Variants in PTPRF observed in about 807,000 individuals in gnomAD.
The protein encoded by PTPRF is protein tyrosine phosphatase receptor type F, also known as receptor-type tyrosine-protein phosphatase F.
A neutral mutation model predicts 201.8 loss-of-function variants in PTPRF; 59 were observed. The ratio of observed to expected loss-of-function variants is 0.29; its 90% confidence interval spans 0.24 to 0.36. The LOEUF (loss-of-function observed/expected upper bound fraction) is 0.36, where lower values mean the gene tolerates loss of function less well. Ranked by LOEUF, PTPRF falls within the 10% of genes least tolerant of loss-of-function variation. The pLI is 1.00. For synonymous variants in PTPRF, 1,088 were observed against 1,089.7 expected (o/e 1.00, Z 0.03); for missense variants, 2,132 against 2,690.5 (o/e 0.79, Z 4.59).
chr1:43,550,444 C>T (rs539231222), intron 3 of PTPRF, among the ~76,000 whole-genome samples: 163 of 152,204 alleles, frequency 1.1e-3, no homozygotes, highest in African/African-American at 3.8e-3. Context: ...CCGGCAGGAG[C>T]TGGAGGGGCA....
chr1:43,598,103 A>G, intron 12 of PTPRF, 50 bp downstream of exon 12: 1 of 1,429,020 alleles, frequency 7.0e-7, no homozygotes, highest in Non-Finnish European at 9.2e-7. Flanking sequence ...CTCAGACACC[A>G]CCCACCAAGC....
intron 11 of PTPRF, among the ~76,000 whole-genome samples, chr1:43,592,927 G>A (rs1236958785): frequency 1.3e-5 from 2 of 152,270 alleles, no homozygotes; most frequent in East Asian, 3.9e-4. Flanking sequence ...CACTAGCTTA[G>A]CTGATGGGCC....
At chr1:43,610,242 G>C (rs541726068) in intron 22 of PTPRF, among the ~76,000 whole-genome samples, 1 of 152,188 alleles carries the variant, frequency 6.6e-6, no homozygotes, top group Non-Finnish European at 1.5e-5. Flanking sequence ...TTCAGCGCAC[G>C]ATGGGTTCTT....
chr1:43,536,474 C>G (rs1644014435), intron 1 of PTPRF, among the ~76,000 whole-genome samples: 1 of 152,200 alleles, frequency 6.6e-6, no homozygotes, highest in South Asian at 2.1e-4. Flanking sequence ...CTGTCTCAGT[C>G]TCCAAGCACG....
chr1:43,613,444 T>C, intron 22 of PTPRF, 174 bp from the exon 23 acceptor site: 1 of 635,788 alleles, frequency 1.6e-6, no homozygotes, highest in Admixed American at 2.2e-5. Flanking sequence ...CCCTCTGTCC[T>C]CTCCCACCCT....
At chr1:43,609,739 C>T (rs1244966710) in intron 22 of PTPRF, among the ~76,000 whole-genome samples, 1 of 152,266 alleles carries the variant, frequency 6.6e-6, no homozygotes, top group African/African-American at 2.4e-5. Context: ...GGCAAAGCCA[C>T]TTAGCCACTG....
At chr1:43,570,048 C>T (rs1197653390) in intron 6 of PTPRF, among the ~76,000 whole-genome samples, 2 of 152,208 alleles carry the variant, frequency 1.3e-5, no homozygotes, top group Non-Finnish European at 2.9e-5. Flanking sequence ...GTGTGGTGGA[C>T]TCTTCAAGGG....
At chr1:43,620,783 G>T in intron 31 of PTPRF, 55 bp from the exon 32 acceptor site, 2 of 1,578,486 alleles carry the variant, frequency 1.3e-6, no homozygotes, top group African/African-American at 1.3e-5. Context: ...CTAGTCCAGA[G>T]GGGTGGCTGC....
intron 13 of PTPRF, 118 bp downstream of exon 13, chr1:43,599,031 G>A: frequency 2.7e-6 from 3 of 1,128,584 alleles, no homozygotes; most frequent in Non-Finnish European, 3.7e-6. Flanking sequence ...TGCTGTGACT[G>A]CCTTTCCTTG....
At chr1:43,531,307 G>A (rs1365374293) in intron 1 of PTPRF, among the ~76,000 whole-genome samples, 3 of 51,696 alleles carry the variant, frequency 5.8e-5, no homozygotes, top group Non-Finnish European at 1.1e-4. Flanking sequence ...CGCTCACCCC[G>A]CGGCAGACGC....
In PTPRF at chr1:43,613,662, A is replaced by G. The variant is rs773927069; in HGVS notation, c.4018A>G (p.Asn1340Asp). The change falls in exon 23 of 34, where the codon AAC (asparagine) becomes GAC (aspartate). Residue 1340 changes from asparagine to aspartate, a missense_variant. This residue lies in a region of PTPRF where 818 missense variants were observed against 915.3 expected (regional missense o/e 0.89). Coordinates refer to ENST00000359947, the MANE Select transcript of PTPRF (RefSeq NM_002840.5). ...PPIPITDLAD[N>D]IERLKANDGL... ...CATCCCCATCACCGACCTGGCGGACAACATCGAGCGCCTCAAAGCCAACGA... is the reference window on the plus strand; with the variant it reads ...CATCCCCATCACCGACCTGGCGGACGACATCGAGCGCCTCAAAGCCAACGA... The G allele has an allele frequency of 5.6e-6, 9 of 1,614,182 alleles. No homozygotes were observed. The highest frequency in any genetic ancestry group is 7.6e-6 in the Non-Finnish European group (9 of 1,180,012).
In PTPRF at chr1:43,605,625, A is replaced by G. The variant is rs570681015; in HGVS notation, c.3483+3A>G. On this transcript the variant is annotated splice_donor_region_variant and intron_variant, in intron 19 of 33. Transcript: ENST00000359947. ...CCGAGGAACTGGAGCTGGACGAGGT[A>G]CCTGGGGAGGGGATGGGGACACTGA... is the stretch of plus-strand genomic sequence containing the variant. 431 of 1,613,890 alleles carry G rather than the reference A, an allele frequency of 2.7e-4. 3 individuals are homozygous for G. Among genetic ancestry groups the G allele is most frequent in the South Asian group, 1.9e-3 (177 of 91,072 alleles).
chr1:43,574,230 G>A (rs922348627), intron 6 of PTPRF, among the ~76,000 whole-genome samples: 7 of 151,702 alleles, frequency 4.6e-5, no homozygotes, highest in East Asian at 1.9e-4. Flanking sequence ...TCCGAACCTC[G>A]GGTGATCCGC....
Position 43,609,432 on chromosome 1 carries a change from A to C in PTPRF, c.3907A>C (p.Lys1303Gln). ...SSKDEQSIGL[K>Q]DSLLAHSSDP... ...TAAGGATGAGCAGTCGATCGGACTG[A>C]AGGACTCCTTGCTGGCCCACTCCTC... The change falls in exon 22 of 34, where the codon AAG becomes CAG. Residue 1303 changes from lysine (K) to glutamine (Q), a missense_variant. Lys to Gln is a moderately conservative substitution (Grantham distance 53, BLOSUM62 1). This residue lies in a region of PTPRF where 818 missense variants were observed against 915.3 expected (regional missense o/e 0.89). Transcript: ENST00000359947. The C allele has an allele frequency of 3.1e-6, 5 of 1,614,060 alleles. No individual in the cohort carries two copies. Among genetic ancestry groups the C allele is most frequent in the Non-Finnish European group, 4.2e-6 (5 of 1,179,982 alleles).
intron 23 of PTPRF, among the ~76,000 whole-genome samples, chr1:43,615,867 C>T (rs1442151387): frequency 6.6e-6 from 1 of 152,138 alleles, no homozygotes; most frequent in Non-Finnish European, 1.5e-5. Context: ...ACCAGGCCTG[C>T]TCTGTTGTCT....
chr1:43,541,690 A>T (rs1375743607), intron 2 of PTPRF, among the ~76,000 whole-genome samples: 1 of 86,050 alleles, frequency 1.2e-5, no homozygotes, highest in Non-Finnish European at 2.4e-5. Context: ...ATATTTGAGA[A>T]TAAAGGACAG....
At chr1:43,529,208 A>G (rs905147025), upstream of PTPRF, among the ~76,000 whole-genome samples, 4 of 152,166 alleles carry the variant, frequency 2.6e-5, no homozygotes, top group Non-Finnish European at 5.9e-5. Flanking sequence ...GTGAAAAACC[A>G]CTCACTGGAA....
chr1:43,558,713 G>A (rs773232857), intron 5 of PTPRF, among the ~76,000 whole-genome samples: 4 of 152,218 alleles, frequency 2.6e-5, no homozygotes, highest in Admixed American at 2.0e-4. Context: ...TGCCGCCACT[G>A]AGACAGGGAA....
Position 43,546,009 on chromosome 1 carries a change from A to C in PTPRF, c.91+843A>C, listed in dbSNP as rs1644649101. Among the ~76,000 whole-genome samples the C allele has an allele frequency of 6.6e-6, 1 of 152,084 alleles. No homozygotes were observed. The highest frequency in any genetic ancestry group is 1.5e-5 in the Non-Finnish European group (1 of 68,002). On this transcript the variant is annotated intron_variant, in intron 3 of 33. Transcript: ENST00000359947. The surrounding 1 kb of genome is among the most constrained non-coding windows in gnomAD (Gnocchi z 4.2). Reference sequence around the variant, plus strand: ...ATCTGCAGGCTGAGGGGGAGGGGCGAGGTCGGAGCCAAGGTCCCTGGGGGA... The same window carrying C: ...ATCTGCAGGCTGAGGGGGAGGGGCGCGGTCGGAGCCAAGGTCCCTGGGGGA...
Sources: gnomAD v4.1 joint callset for allele counts (sites outside exome capture counted in the v4.1 genomes callset) on GRCh38, gnomAD v4.1.1 for gene constraint, gnomAD v4.1.1 regional missense constraint, Gnocchi (gnomAD v3.1) non-coding constraint, MANE v1.5 for transcripts, NCBI Gene and HGNC (gene_info 2026-07-23, HGNC 2026-07-21) for gene names.